Variants in MDC1 observed in about 807,000 individuals in gnomAD.
MDC1 encodes mediator of DNA damage checkpoint protein 1.
MDC1 carries 81 observed loss-of-function variants against 142.5 expected under a neutral mutation model. The ratio of observed to expected loss-of-function variants is 0.57; its 90% confidence interval spans 0.47 to 0.68. MDC1 has a LOEUF of 0.68. Among genes scored for constraint, MDC1 ranks in the 30% least tolerant of loss-of-function variants. The probability of loss-of-function intolerance (pLI) is 0.00; values close to 1 mark genes in which losing one functional copy is unlikely to be tolerated. For synonymous variants in MDC1, 797 were observed against 968.4 expected (o/e 0.82, Z 3.29); for missense variants, 2,119 against 2,547.9 (o/e 0.83, Z 3.62).
Position 30,715,232 on chromosome 6 carries a change from A to G in MDC1, c.-3-54T>C. 6.3e-7 allele frequency: 1 copy of G among 1,594,682 alleles called. No individual in the cohort carries two copies. On this transcript the variant is annotated intron_variant, in intron 1 of 14. Coordinates refer to ENST00000376406, the MANE Select transcript of MDC1 (RefSeq NM_014641.3). This position sits in a 1 kb window ranked among gnomAD's most constrained non-coding sequence, Gnocchi z 4.1. ...CTCATTATTGGTTCACACAAACAGCATCAGAGTTATCAGACTGAAAACTAG... is the reference window on the plus strand; with the variant it reads ...CTCATTATTGGTTCACACAAACAGCGTCAGAGTTATCAGACTGAAAACTAG...
chr6:30,705,534 G>A lies in MDC1; in HGVS notation c.3649C>T (p.Arg1217Ter), dbSNP rs1562095881. 4 of 1,607,166 alleles carry A rather than the reference G, an allele frequency of 2.5e-6. No individual in the cohort carries two copies. Among genetic ancestry groups the A allele is most frequent in the Admixed American group, 1.7e-5 (1 of 59,688 alleles). The change falls in exon 10 of 15, where the codon CGA (arginine) becomes TGA (stop). Residue 1217 changes from arginine (R) to a stop codon, truncating the protein, a stop_gained. Transcript: ENST00000376406. LOFTEE classifies it high-confidence loss of function. ...GAGGTGGGTTCAGAGGTGACAGGTC[G>A]GTCGGTGGAGGTGGAAGGCTGGAGC... Reference protein sequence around the residue: ...LELQPSTSTDRPVTSEPTSQA... With the variant: ...LELQPSTSTD
Position 30,705,513 on chromosome 6 carries a change from T to C in MDC1, c.3670A>G (p.Thr1224Ala). The change falls in exon 10 of 15, where the codon ACC (threonine) becomes GCC (alanine). Residue 1224 changes from threonine to alanine, a missense_variant. Transcript: ENST00000376406. ...STDRPVTSEPTSQATRGRKNR... is the reference protein window; with the variant it reads ...STDRPVTSEPASQATRGRKNR... ...TTTCTTCCCCTAGTAGCCTGAGAGG[T>C]GGGTTCAGAGGTGACAGGTCGGTCG... is the stretch of plus-strand genomic sequence containing the variant. The C allele has an allele frequency of 6.2e-7, 1 of 1,604,296 alleles. No homozygotes were observed. The highest frequency in any genetic ancestry group is 1.4e-5 in the African/African-American group (1 of 72,894).
intron 12 of MDC1, 56 bp from the exon 13 acceptor site, chr6:30,702,933 C>A: frequency 6.2e-7 from 1 of 1,610,958 alleles, no homozygotes. Context: ...ATCAGCTCTG[C>A]TGCCTAGCAT....
In MDC1 at chr6:30,716,349, G is replaced by C. The variant is rs536588574; in HGVS notation, c.-4+896C>G. On this transcript the variant is annotated intron_variant, in intron 1 of 14. Coordinates refer to ENST00000376406, the MANE Select transcript of MDC1 (RefSeq NM_014641.3). This position sits in a 1 kb window ranked among gnomAD's most constrained non-coding sequence, Gnocchi z 4.4. ...AGCGATTCTCCTGCCTCAGCCTCCCGAGCAGCTGGGATTACAGGCGCCCGG... is the reference window on the plus strand; with the variant it reads ...AGCGATTCTCCTGCCTCAGCCTCCCCAGCAGCTGGGATTACAGGCGCCCGG... Among the ~76,000 whole-genome samples, 1 of 151,646 alleles carries C rather than the reference G, an allele frequency of 6.6e-6. No individual in the cohort carries two copies. Among genetic ancestry groups the C allele is most frequent in the Admixed American group, 6.6e-5 (1 of 15,208 alleles).
At chr6:30,710,801 TAA>T (rs1774750051) in intron 7 of MDC1, among the ~76,000 whole-genome samples, 1 of 152,072 alleles carries the variant, frequency 6.6e-6, no homozygotes, top group African/African-American at 2.4e-5. Flanking sequence ...GTGTTTTTTT[TAA>T]GAGACATTGG....
At position 30,715,212 on chromosome 6, in the gene MDC1, T is replaced by TATTG; in HGVS notation, c.-3-38_-3-35dup. 1 of 1,612,702 alleles carries TATTG rather than the reference T, an allele frequency of 6.2e-7. No individual in the cohort carries two copies. Among genetic ancestry groups the TATTG allele is most frequent in the Non-Finnish European group, 8.5e-7 (1 of 1,178,722 alleles). ...GATACACATTATCAATTATCCTCAT[T>TATTG]ATTGGTTCACACAAACAGCATCAGA... On this transcript the variant is annotated intron_variant, in intron 1 of 14. Coordinates refer to ENST00000376406, the MANE Select transcript of MDC1 (RefSeq NM_014641.3). The surrounding 1 kb of genome is among the most constrained non-coding windows in gnomAD (Gnocchi z 4.1).
chr6:30,707,860 TC>T lies in MDC1; in HGVS notation c.2718del (p.Lys907SerfsTer13). On this transcript the variant is annotated frameshift_variant, in exon 8 of 15. Transcript: ENST00000376406. LOFTEE classifies it high-confidence loss of function. ...TSEEIQEKQV[Q>X]KQTLPSKAFE... is the part of the protein sequence containing the mutation. ...AATGCTTTGCTTGGAAGGGTCTGCT[TC>T]TGTACTTGTTTCTCTTGTATTTCCT... 1 of 1,613,150 alleles carries T rather than the reference TC, an allele frequency of 6.2e-7. No individual in the cohort carries two copies. The highest frequency in any genetic ancestry group is 8.5e-7 in the Non-Finnish European group (1 of 1,180,048).
Position 30,707,391 on chromosome 6 carries a change from ACCTTCTCAGCAGCTCTGATCCTGGAAG to A in MDC1, c.3050_3076del (p.Ala1017_Lys1025del), listed in dbSNP as rs1429687048. 6 of 1,613,080 alleles carry A rather than the reference ACCTTCTCAGCAGCTCTGATCCTGGAAG, an allele frequency of 3.7e-6. No homozygotes were observed. The East Asian group carries it at 6.7e-5, about 18-fold the overall frequency. On this transcript the variant is annotated inframe_deletion, in exon 9 of 15. Coordinates refer to ENST00000376406, the MANE Select transcript of MDC1 (RefSeq NM_014641.3). ...AGAAAAAGTAGCTCTCACCCTGGAA[ACCTTCTCAGCAGCTCTGATCCTGGAAG>A]CCTTCTCAGCAGGTGGCATCTTGCA...
chr6:30,704,219 G>A lies in MDC1; in HGVS notation c.4964C>T (p.Pro1655Leu), dbSNP rs773106968. ...AAAAGGCTCAAGATCAGAGGCTGCT[G>A]GTTCAACTGGTTTGGGAGTCTTGAC... ...SSVKTPKPVE[P>L]AASDLEPFTP... The change falls in exon 10 of 15, where the codon CCA (proline) becomes CTA (leucine). Residue 1655 changes from proline (P) to leucine (L), a missense_variant. By Grantham distance (98) the Pro-to-Leu change is moderately conservative. Coordinates refer to ENST00000376406, the MANE Select transcript of MDC1 (RefSeq NM_014641.3). 1 of 1,613,826 alleles carries A rather than the reference G, an allele frequency of 6.2e-7. No homozygotes were observed. Among genetic ancestry groups the A allele is most frequent in the Non-Finnish European group, 8.5e-7 (1 of 1,179,860 alleles).
At position 30,711,334 on chromosome 6, in the gene MDC1, G is replaced by C. The variant is rs568562985; in HGVS notation, c.2221+78C>G. The C allele has an allele frequency of 4.5e-6, 6 of 1,330,200 alleles. No homozygotes were observed. In the South Asian group the frequency reaches 7.2e-5, roughly 16 times the overall value. The allele number at this position is 1,330,200 out of a possible 1,614,324, so 82.4% of individuals were successfully genotyped here. On this transcript the variant is annotated intron_variant, in intron 7 of 14. Transcript: ENST00000376406. ...TACAGTGAGCCGAGACTGCACCACT[G>C]TAATCCAGCCTGAGTGACAGAGGAA... is the stretch of plus-strand genomic sequence containing the variant.
At position 30,712,469 on chromosome 6, in the gene MDC1, A is replaced by C; in HGVS notation, c.1473T>G (p.Pro491=). Residue 491 remains proline (P), a synonymous_variant, in exon 5 of 15, where the codon CCT becomes CCG. Transcript: ENST00000376406. This position sits in a 1 kb window ranked among gnomAD's most constrained non-coding sequence, Gnocchi z 4.7. ...CCACACTGTCATCACTGTCCCCAAA[A>C]GGAGGTTGGTCCTTTTCTGAATGTG... The part of the protein sequence containing the change: ...VRAHSEKDQP[P]FGDSDDSVEA... 6.2e-7 allele frequency: 1 copy of C among 1,613,000 alleles called. No individual in the cohort carries two copies. Among genetic ancestry groups the C allele is most frequent in the Non-Finnish European group, 8.5e-7 (1 of 1,180,016 alleles).
At position 30,700,452 on chromosome 6, in the gene MDC1, G is replaced by T; in HGVS notation, c.*13C>A. 1.2e-6 allele frequency: 2 copies of T among 1,608,820 alleles called. No homozygotes were observed. The highest frequency in any genetic ancestry group is 1.7e-6 in the Non-Finnish European group (2 of 1,176,672). On this transcript the variant is annotated 3_prime_UTR_variant, in exon 15 of 15. Coordinates refer to ENST00000376406, the MANE Select transcript of MDC1 (RefSeq NM_014641.3). Reference sequence around the variant, plus strand: ...TAATTCGTGGTCTGGGAGGGAAAAGGGTAGTGGAGTTCTCAGGTGGATGAC... The same window carrying T: ...TAATTCGTGGTCTGGGAGGGAAAAGTGTAGTGGAGTTCTCAGGTGGATGAC...
chr6:30,707,866 C>G lies in MDC1; in HGVS notation c.2713G>C (p.Val905Leu), dbSNP rs755305725. The change falls in exon 8 of 15, where the codon GTA (valine) becomes CTA (leucine). Residue 905 changes from valine (V) to leucine (L), a missense_variant. Coordinates refer to ENST00000376406, the MANE Select transcript of MDC1 (RefSeq NM_014641.3). ...ETSEEIQEKQ[V>L]QKQTLPSKAF... The stretch of plus-strand genomic sequence containing the variant: ...TTGCTTGGAAGGGTCTGCTTCTGTA[C>G]TTGTTTCTCTTGTATTTCCTCAGAT... 2 of 1,613,120 alleles carry G rather than the reference C, an allele frequency of 1.2e-6. No individual in the cohort carries two copies. Among genetic ancestry groups the G allele is most frequent in the Non-Finnish European group, 1.7e-6 (2 of 1,180,036 alleles).
chr6:30,700,999 C>T lies in MDC1; in HGVS notation c.6103-367G>A, dbSNP rs1395253554. Among the ~76,000 whole-genome samples the T allele has an allele frequency of 3.0e-4, 45 of 148,092 alleles. 1 individual carries two copies. Among genetic ancestry groups the T allele is most frequent in the Non-Finnish European group, 4.5e-5 (3 of 67,260 alleles). On this transcript the variant is annotated intron_variant, in intron 14 of 14. Transcript: ENST00000376406. ...GGGGCAGGAGAATGGCGTGAAAACC[C>T]AGGAGGCGGAGCTTGCAGTGAGCCG...
rs776134670 is a variant in MDC1, at chr6:30,712,108, C to T, written c.1834G>A (p.Ala612Thr). 1.2e-6 allele frequency: 2 copies of T among 1,604,160 alleles called. No individual in the cohort carries two copies. The highest frequency in any genetic ancestry group is 1.7e-6 in the Non-Finnish European group (2 of 1,175,622). ...GCTCTCTCCTGCTTAAGAACAGCTGCAGCCCACTCTGCCCCAGCATCCCCT... is the reference window on the plus strand; with the variant it reads ...GCTCTCTCCTGCTTAAGAACAGCTGTAGCCCACTCTGCCCCAGCATCCCCT... Reference protein sequence around the residue: ...AEGDAGAEWAAAVLKQERAHE... With the variant: ...AEGDAGAEWATAVLKQERAHE... Residue 612 changes from alanine to threonine, a missense_variant, in exon 5 of 15, where the codon GCA (alanine) becomes ACA (threonine). Coordinates refer to ENST00000376406, the MANE Select transcript of MDC1 (RefSeq NM_014641.3). The surrounding 1 kb of genome is among the most constrained non-coding windows in gnomAD (Gnocchi z 4.7).
chr6:30,707,681 T>C lies in MDC1; in HGVS notation c.2898A>G (p.Thr966=). ...QDQKGQASSP[T]PEPGVGAGDL... ...CCCCCGCCCCCACCCCAGGCTCTGG[T>C]GTTGGGCTGGAGGCCTGCCCTTTCT... The change falls in exon 8 of 15, where the codon ACA becomes ACG. Residue 966 remains threonine, a synonymous_variant. Transcript: ENST00000376406. The C allele has an allele frequency of 6.2e-7, 1 of 1,613,020 alleles. No individual in the cohort carries two copies. Among genetic ancestry groups the C allele is most frequent in the Non-Finnish European group, 8.5e-7 (1 of 1,180,006 alleles).
intron 14 of MDC1, among the ~76,000 whole-genome samples, chr6:30,700,862 A>T (rs1045161853): frequency 7.5e-5 from 11 of 147,160 alleles, no homozygotes; most frequent in Non-Finnish European, 6.0e-5. Context: ...CGAGGTCAGG[A>T]GATCAAGACC....
chr6:30,710,912 T>C (rs1774769298), intron 7 of MDC1, among the ~76,000 whole-genome samples: 1 of 152,158 alleles, frequency 6.6e-6, no homozygotes, highest in Non-Finnish European at 1.5e-5. Context: ...CTCACTACTA[T>C]GCTGGGCTAA....
chr6:30,704,365 G>A lies in MDC1; in HGVS notation c.4818C>T (p.Val1606=). The change falls in exon 10 of 15, where the codon GTC becomes GTT. Residue 1606 remains valine, a synonymous_variant. Coordinates refer to ENST00000376406, the MANE Select transcript of MDC1 (RefSeq NM_014641.3). ...TGGGGACAACTGGCTCAGGGGTCTTGACAGAGGACCTATTTGTCCTGCACC... is the reference window on the plus strand; with the variant it reads ...TGGGGACAACTGGCTCAGGGGTCTTAACAGAGGACCTATTTGTCCTGCACC... ...ATRCRTNRSS[V]KTPEPVVPTA... is the part of the protein sequence containing the mutation. 1 of 1,610,886 alleles carries A rather than the reference G, an allele frequency of 6.2e-7. No individual in the cohort carries two copies. The highest frequency in any genetic ancestry group is 8.5e-7 in the Non-Finnish European group (1 of 1,178,840).
Sources: gnomAD v4.1 joint callset for allele counts (sites outside exome capture counted in the v4.1 genomes callset) on GRCh38, gnomAD v4.1.1 for gene constraint, Gnocchi (gnomAD v3.1) non-coding constraint, MANE v1.5 for transcripts, NCBI Gene and HGNC (gene_info 2026-07-23, HGNC 2026-07-21) for gene names.